Variants in VPS36 observed in about 807,000 individuals in gnomAD.
The protein encoded by VPS36 is vacuolar protein sorting 36 homolog, also known as vacuolar protein-sorting-associated protein 36.
In VPS36, 31 loss-of-function variants were observed where a neutral mutation model predicts 63.5. The observed-to-expected ratio is 0.49, with a 90% CI of 0.37 to 0.66. The LOEUF is 0.66. Ranked by LOEUF, VPS36 falls within the 30% of genes least tolerant of loss-of-function variation. VPS36 has a pLI of 0.00. For missense variants in VPS36, 338 were observed against 463.7 expected (o/e 0.73, Z 2.49); for synonymous variants, 138 against 157.2 (o/e 0.88, Z 0.91).
At chr13:52,439,487 C>T (rs1255273912) in intron 2 of VPS36, among the ~76,000 whole-genome samples, 1 of 151,774 alleles carries the variant, frequency 6.6e-6, no homozygotes, top group Non-Finnish European at 1.5e-5. Flanking sequence ...ACTCTGTCAC[C>T]CAGGCTGGAG....
In VPS36 at chr13:52,415,779, C is replaced by A; in HGVS notation, c.*51G>T. ...TATCTCTTAGCTCAATGTCATACAACCTCTACATGACGCAAGCATATGGAC... is the reference window on the plus strand; with the variant it reads ...TATCTCTTAGCTCAATGTCATACAAACTCTACATGACGCAAGCATATGGAC... On this transcript the variant is annotated 3_prime_UTR_variant, in exon 14 of 14. Coordinates refer to ENST00000378060, the MANE Select transcript of VPS36 (RefSeq NM_016075.4). 1 of 1,544,248 alleles carries A rather than the reference C, an allele frequency of 6.5e-7. No homozygotes were observed. Among genetic ancestry groups the A allele is most frequent in the Non-Finnish European group, 8.9e-7 (1 of 1,120,982 alleles).
At chr13:52,429,979 A>G (rs554945110) in intron 6 of VPS36, among the ~76,000 whole-genome samples, 13 of 152,306 alleles carry the variant, frequency 8.5e-5, no homozygotes, top group Admixed American at 7.8e-4. Flanking sequence ...GCCTTCTTCA[A>G]TTACGGGAGG....
At position 52,434,713 on chromosome 13, in the gene VPS36, A is replaced by G. The variant is rs1240981676; in HGVS notation, c.441+80T>C. 3.0e-6 allele frequency: 4 copies of G among 1,345,092 alleles called. No individual in the cohort carries two copies. In the Admixed American group the frequency reaches 8.3e-5, roughly 28 times the overall value. 83.3% of individuals were successfully genotyped at this position (1,345,092 alleles called of 1,614,324 possible). ...CAGTATTTTGTTTTGGGCAAGTTCT[A>G]CAATCACAGAGTCTTTTTCTTAATG... On this transcript the variant is annotated intron_variant, in intron 5 of 13. Transcript: ENST00000378060.
chr13:52,431,849 G>A (rs1958162035), intron 6 of VPS36, among the ~76,000 whole-genome samples: 1 of 150,872 alleles, frequency 6.6e-6, no homozygotes, highest in Non-Finnish European at 1.5e-5. Context: ...AAATGTACAA[G>A]ATGGTCCTGG....
intron 6 of VPS36, among the ~76,000 whole-genome samples, chr13:52,431,779 AAAAG>A (rs1259456182): frequency 6.1e-5 from 9 of 148,462 alleles, no homozygotes; most frequent in Middle Eastern, 3.5e-3. Flanking sequence ...AAAAAAAAAA[AAAAG>A]AAAGAAAGAA....
At chr13:52,420,479 C>T (rs2137774296) in intron 10 of VPS36, among the ~76,000 whole-genome samples, 1 of 151,408 alleles carries the variant, frequency 6.6e-6, no homozygotes, top group Middle Eastern at 3.4e-3. Flanking sequence ...ATTACAGGTG[C>T]CTGCCACCAC....
intron 1 of VPS36, among the ~76,000 whole-genome samples, chr13:52,447,032 C>T (rs1439760213): frequency 1.3e-5 from 2 of 151,864 alleles, no homozygotes; most frequent in Non-Finnish European, 2.9e-5. Flanking sequence ...CCCGCCACCA[C>T]GCCCAGCTAA....
At chr13:52,433,189 T>C (rs1958177965) in intron 6 of VPS36, among the ~76,000 whole-genome samples, 1 of 152,182 alleles carries the variant, frequency 6.6e-6, no homozygotes, top group South Asian at 2.1e-4. Context: ...ATGCTCAGGG[T>C]TGTCCCCCAG....
At chr13:52,431,039 C>A (rs891297630) in intron 6 of VPS36, among the ~76,000 whole-genome samples, 2 of 151,858 alleles carry the variant, frequency 1.3e-5, no homozygotes, top group East Asian at 3.9e-4. Context: ...ATGATCATTT[C>A]CTTAAAAATC....
At chr13:52,426,170 A>C in intron 8 of VPS36, 104 bp from the exon 9 acceptor site, 1 of 1,397,134 alleles carries the variant, frequency 7.2e-7, no homozygotes, top group Non-Finnish European at 9.8e-7. Context: ...ACATATCCCC[A>C]TTCCTTCTAC....
intron 4 of VPS36, among the ~76,000 whole-genome samples, chr13:52,435,521 A>G (rs1958207211): frequency 6.6e-6 from 1 of 152,206 alleles, no homozygotes; most frequent in Non-Finnish European, 1.5e-5. Context: ...TCGATCTATA[A>G]TGAAACAAAC....
Position 52,415,898 on chromosome 13 carries a change from G to T in VPS36, c.1093C>A (p.His365Asn). Residue 365 changes from histidine to asparagine, a missense_variant, in exon 14 of 14, where the codon CAT becomes AAT. Coordinates refer to ENST00000378060, the MANE Select transcript of VPS36 (RefSeq NM_016075.4). The part of the protein sequence containing the change: ...ERLLLAEKMG[H>N]LCRDDSVEGL... ...TCCACTGAGTCATCACGGCAAAGAT[G>T]GCCCATCTTCTCTGCAAGCAGCAAC... The T allele has an allele frequency of 6.2e-7, 1 of 1,613,928 alleles. No homozygotes were observed. The highest frequency in any genetic ancestry group is 8.5e-7 in the Non-Finnish European group (1 of 1,179,992).
In VPS36 at chr13:52,415,876, A is replaced by C; in HGVS notation, c.1115T>G (p.Val372Gly). 6.2e-7 allele frequency: 1 copy of C among 1,614,118 alleles called. No individual in the cohort carries two copies. Among genetic ancestry groups the C allele is most frequent in the East Asian group, 2.2e-5 (1 of 44,866 alleles). Residue 372 changes from valine (V) to glycine (G), a missense_variant, in exon 14 of 14, where the codon GTG (valine) becomes GGG (glycine). Physicochemically the swap from Val to Gly is moderately radical, Grantham distance 109. Transcript: ENST00000378060. ...KMGHLCRDDS[V>G]EGLRFYPNLF... ...ATTTGGGTAAAAACGCAGGCCTTCC[A>C]CTGAGTCATCACGGCAAAGATGGCC...
chr13:52,426,917 A>G lies in VPS36; in HGVS notation c.639+72T>C, dbSNP rs568173359. The G allele has an allele frequency of 5.1e-6, 5 of 976,122 alleles. No individual in the cohort carries two copies. The Admixed American group carries it at 7.6e-5, about 15-fold the overall frequency. The allele number at this position is 976,122 out of a possible 1,614,324, so 60.5% of individuals were successfully genotyped here. A position where few individuals can be genotyped will look rare whatever the true frequency, so the allele number is the denominator to read the frequency against. On this transcript the variant is annotated intron_variant, in intron 8 of 13. Transcript: ENST00000378060. The stretch of plus-strand genomic sequence containing the variant: ...ATAAAACAGTACATTCAGAAAGCCA[A>G]TGTAAACCACAAAAACCTTACTGCA...
At chr13:52,440,616 TTA>T (rs1161169161) in intron 2 of VPS36, among the ~76,000 whole-genome samples, 5 of 152,168 alleles carry the variant, frequency 3.3e-5, no homozygotes, top group Non-Finnish European at 5.9e-5. Flanking sequence ...ATATAAACAG[TTA>T]TGTTTAATTT....
At chr13:52,450,451 C>A (rs748063435) in intron 1 of VPS36, 48 bp downstream of exon 1, 1 of 1,553,176 alleles carries the variant, frequency 6.4e-7, no homozygotes, top group South Asian at 1.2e-5. Flanking sequence ...GCGCGCCCAC[C>A]GGGGGTCCCT....
intron 9 of VPS36, 72 bp from the exon 10 acceptor site, chr13:52,423,711 C>G (rs1270338261): frequency 7.4e-7 from 1 of 1,359,796 alleles, no homozygotes; most frequent in East Asian, 2.3e-5. Context: ...TAACAGAAAT[C>G]ATAATCACAG....
chr13:52,431,718 G>A (rs1002752945), intron 6 of VPS36, among the ~76,000 whole-genome samples: 8 of 148,098 alleles, frequency 5.4e-5, no homozygotes, highest in Non-Finnish European at 1.0e-4. Flanking sequence ...AGCCAAAATA[G>A]CGGCACTGCA....
chr13:52,439,239 T>G, intron 2 of VPS36, 71 bp from the exon 3 acceptor site: 1 of 1,363,546 alleles, frequency 7.3e-7, no homozygotes, highest in Non-Finnish European at 1.0e-6. Flanking sequence ...AAATCCTTGT[T>G]TTATAGCATT....
Sources: gnomAD v4.1 joint callset for allele counts (sites outside exome capture counted in the v4.1 genomes callset) on GRCh38, gnomAD v4.1.1 for gene constraint, MANE v1.5 for transcripts, NCBI Gene and HGNC (gene_info 2026-07-23, HGNC 2026-07-21) for gene names.